The following SYN3 variants were observed in gnomAD, a reference collection of about 807,000 sequenced individuals.
SYN3 encodes the protein synapsin III, also known as synapsin-3.
A neutral mutation model predicts 65.8 loss-of-function variants in SYN3; 35 were observed. That is an observed-to-expected ratio of 0.53 (90% CI 0.41 to 0.70). The LOEUF (loss-of-function observed/expected upper bound fraction) is 0.70, where lower values mean the gene tolerates loss of function less well. SYN3 is among the 30% of genes least tolerant of loss of function. The probability of loss-of-function intolerance (pLI) is 0.00; values close to 1 mark genes in which losing one functional copy is unlikely to be tolerated. For missense variants in SYN3, 680 were observed against 749.0 expected (o/e 0.91, Z 1.08); for synonymous variants, 270 against 292.9 (o/e 0.92, Z 0.80).
At chr22:32,707,660 G>A (rs1429232760) in intron 6 of SYN3, among the ~76,000 whole-genome samples, 4 of 149,004 alleles carry the variant, frequency 2.7e-5, no homozygotes, top group South Asian at 4.2e-4. Flanking sequence ...ATAAGTGGGA[G>A]TAACTGGCAT....
At chr22:32,969,360 T>C (rs1238904417) in intron 3 of SYN3, among the ~76,000 whole-genome samples, 2 of 152,226 alleles carry the variant, frequency 1.3e-5, no homozygotes, top group East Asian at 3.8e-4. Flanking sequence ...GGTTTCAGCA[T>C]TCCCCAGCCC....
chr22:32,592,499 AG>A (rs2059141873), intron 7 of SYN3, among the ~76,000 whole-genome samples: 1 of 152,166 alleles, frequency 6.6e-6, no homozygotes, highest in African/African-American at 2.4e-5. Context: ...TTTTAATACA[AG>A]GGGGTAATTG....
chr22:32,568,867 T>C (rs1216357442), intron 7 of SYN3, among the ~76,000 whole-genome samples: 1 of 152,194 alleles, frequency 6.6e-6, no homozygotes, highest in Non-Finnish European at 1.5e-5. Flanking sequence ...AGGGGATGTA[T>C]TACTTTGTAT....
intron 4 of SYN3, among the ~76,000 whole-genome samples, chr22:32,899,082 C>G (rs1388693707): frequency 2.4e-5 from 1 of 41,800 alleles, no homozygotes; most frequent in Non-Finnish European, 5.5e-5. Context: ...AGCTTGGCGA[C>G]AGAGTGAGAC....
At chr22:32,802,390 CCTTTT>C (rs2046613558) in intron 6 of SYN3, among the ~76,000 whole-genome samples, 1 of 152,004 alleles carries the variant, frequency 6.6e-6, no homozygotes, top group Admixed American at 6.5e-5. Flanking sequence ...TCCTACCGGT[CCTTTT>C]GACATCTGGA....
chr22:32,777,419 AC>A (rs1307776329), intron 6 of SYN3, among the ~76,000 whole-genome samples: 8 of 151,992 alleles, frequency 5.3e-5, no homozygotes, highest in African/African-American at 1.7e-4. Context: ...TCACACAGAA[AC>A]CTGTTTAGGA....
At chr22:32,932,644 G>C (rs2050665186) in intron 3 of SYN3, among the ~76,000 whole-genome samples, 1 of 152,132 alleles carries the variant, frequency 6.6e-6, no homozygotes, top group South Asian at 2.1e-4. Flanking sequence ...CTTTTGGGTT[G>C]CCTATTTGTT....
At chr22:32,725,100 G>A (rs1403156450) in intron 6 of SYN3, among the ~76,000 whole-genome samples, 1 of 152,200 alleles carries the variant, frequency 6.6e-6, no homozygotes, top group Non-Finnish European at 1.5e-5. Context: ...CTGGGTGACA[G>A]GGTGAGACTT....
chr22:32,789,790 G>A (rs905716461), intron 6 of SYN3, among the ~76,000 whole-genome samples: 1 of 152,202 alleles, frequency 6.6e-6, no homozygotes, highest in African/African-American at 2.4e-5. Flanking sequence ...TTTCTAAAGA[G>A]GGAAAGTTAC....
intron 3 of SYN3, among the ~76,000 whole-genome samples, chr22:32,939,115 AC>A (rs2050865235): frequency 6.6e-6 from 1 of 152,184 alleles, no homozygotes; most frequent in Non-Finnish European, 1.5e-5. Context: ...TAAATACAAA[AC>A]CCTTATTTTT....
At chr22:32,611,970 C>G (rs960649322) in intron 6 of SYN3, among the ~76,000 whole-genome samples, 2 of 152,030 alleles carry the variant, frequency 1.3e-5, no homozygotes, top group Admixed American at 1.3e-4. Flanking sequence ...TTCTTCATGC[C>G]TATGTGATGA....
chr22:32,535,244 G>T (rs2058144282), intron 9 of SYN3, among the ~76,000 whole-genome samples: 1 of 152,152 alleles, frequency 6.6e-6, no homozygotes, highest in Admixed American at 6.5e-5. Flanking sequence ...CAGCATGGGA[G>T]ACCAGGGACC....
chr22:32,823,086 T>G (rs1369208117), intron 6 of SYN3, among the ~76,000 whole-genome samples: 2 of 152,236 alleles, frequency 1.3e-5, no homozygotes, highest in East Asian at 3.9e-4. Context: ...AAAATTTCAC[T>G]ACATTGACAC....
chr22:32,886,026 G>C (rs241899), intron 4 of SYN3, among the ~76,000 whole-genome samples: 34,469 of 152,128 alleles, frequency 0.23, 4,066 homozygotes, highest in South Asian at 0.4. Flanking sequence ...CATGAAAGAA[G>C]GCGGGCAACC....
intron 1 of SYN3, among the ~76,000 whole-genome samples, chr22:33,055,975 G>T (rs980815036): frequency 1.3e-5 from 2 of 152,196 alleles, no homozygotes; most frequent in African/African-American, 4.8e-5. Flanking sequence ...TTTGGAAAGT[G>T]TAACAAATCA....
intron 3 of SYN3, among the ~76,000 whole-genome samples, chr22:32,961,972 C>T (rs958465399): frequency 2.0e-5 from 3 of 152,118 alleles, no homozygotes; most frequent in African/African-American, 7.2e-5. Context: ...ACGATTCAAG[C>T]CCTTGTCCAT....
At chr22:33,004,393 T>C (rs1265681135) in intron 2 of SYN3, among the ~76,000 whole-genome samples, 1 of 152,250 alleles carries the variant, frequency 6.6e-6, no homozygotes, top group Admixed American at 6.5e-5. Flanking sequence ...TCCAAGGTCA[T>C]GGGAGCCCAC....
chr22:32,867,589 G>C lies in SYN3; in HGVS notation c.621+1377C>G, dbSNP rs112070418. ...GAGTACTTGAGCGAGTGGAGGAGTG[G>C]TATTTTTTCTTTGAGATGGAGTCTT... On this transcript the variant is annotated intron_variant, in intron 5 of 13. Coordinates refer to ENST00000358763, the MANE Select transcript of SYN3 (RefSeq NM_003490.4). Among the ~76,000 whole-genome samples, 933 of 152,298 alleles carry C rather than the reference G, an allele frequency of 6.1e-3. 4 individuals carry two copies. The highest frequency in any genetic ancestry group is 9.1e-3 in the Non-Finnish European group (616 of 68,014).
chr22:32,886,826 A>G (rs2049303751), intron 4 of SYN3, among the ~76,000 whole-genome samples: 1 of 152,114 alleles, frequency 6.6e-6, no homozygotes, highest in Non-Finnish European at 1.5e-5. Flanking sequence ...CCTCAACATA[A>G]TGGCTTTGAG....
Sources: allele counts gnomAD v4.1 joint callset (sites outside exome capture counted in the v4.1 genomes callset), GRCh38; gene constraint gnomAD v4.1.1; transcripts MANE v1.5; gene names NCBI Gene and HGNC (gene_info 2026-07-23, HGNC 2026-07-21).